Variants in MED12L observed in about 807,000 individuals in gnomAD.
MED12L encodes the protein mediator of RNA polymerase II transcription subunit 12-like protein.
In MED12L, 60 loss-of-function variants were observed where a neutral mutation model predicts 281.3. That is an observed-to-expected ratio of 0.21 (90% CI 0.17 to 0.26). MED12L has a LOEUF of 0.26. Ranked by LOEUF, MED12L falls within the 10% of genes least tolerant of loss-of-function variation. The probability of loss-of-function intolerance (pLI) is 1.00; values close to 1 mark genes in which losing one functional copy is unlikely to be tolerated. For synonymous variants in MED12L, 974 were observed against 987.2 expected (o/e 0.99, Z 0.25); for missense variants, 2,146 against 2,680.9 (o/e 0.80, Z 4.41).
Position 151,370,769 on chromosome 3 carries a change from A to T in MED12L, c.3664+1220A>T, listed in dbSNP as rs576354290. Among the ~76,000 whole-genome samples the T allele has an allele frequency of 1.6e-4, 24 of 152,340 alleles. No homozygotes were observed. The South Asian group carries it at 2.9e-3, about 18-fold the overall frequency. On this transcript the variant is annotated intron_variant, in intron 26 of 44. Coordinates refer to ENST00000687756, the MANE Select transcript of MED12L (RefSeq NM_001393769.1). ...TGCTCATCAGAGAAGCTAGCAAAGA[A>T]TCAGTTTTCAATAAAATTATGTTGG...
At chr3:151,131,412 G>A (rs1216537308) in intron 5 of MED12L, among the ~76,000 whole-genome samples, 1 of 152,102 alleles carries the variant, frequency 6.6e-6, no homozygotes, top group Non-Finnish European at 1.5e-5. Flanking sequence ...ACCAATCTAG[G>A]CAACATAGTG....
chr3:151,106,060 A>G (rs545248452), intron 2 of MED12L, among the ~76,000 whole-genome samples: 1 of 152,006 alleles, frequency 6.6e-6, no homozygotes, highest in Non-Finnish European at 1.5e-5. Flanking sequence ...TCTTGGTCCA[A>G]GCTACTATTA....
chr3:151,150,167 C>T (rs1218112611), intron 5 of MED12L, among the ~76,000 whole-genome samples: 1 of 152,194 alleles, frequency 6.6e-6, no homozygotes, highest in Non-Finnish European at 1.5e-5. Flanking sequence ...CTATCTGTGG[C>T]AGCTATGGCC....
At chr3:151,124,610 AGG>A (rs1352489948) in intron 4 of MED12L, among the ~76,000 whole-genome samples, 1 of 152,208 alleles carries the variant, frequency 6.6e-6, no homozygotes, top group Non-Finnish European at 1.5e-5. Context: ...CGATGGCTTA[AGG>A]TTGAAAGCCT....
chr3:151,416,345 C>G lies in MED12L; in HGVS notation c.6331C>G (p.Pro2111Ala). 6.2e-7 allele frequency: 1 copy of G among 1,610,918 alleles called. No homozygotes were observed. Among genetic ancestry groups the G allele is most frequent in the Non-Finnish European group, 8.5e-7 (1 of 1,178,020 alleles). The change falls in exon 43 of 45, where the codon CCT becomes GCT. Residue 2111 changes from proline to alanine, a missense_variant. By Grantham distance (27) the Pro-to-Ala change is conservative. This residue lies in a region of MED12L where 496 missense variants were observed against 512.0 expected (regional missense o/e 0.97). Transcript: ENST00000687756. Reference protein sequence around the residue: ...QQPQQPQPQQPPQPQQSSQSQ... With the variant: ...QQPQQPQPQQAPQPQQSSQSQ... ...GCCCCAGCAGCCCCAGCCCCAGCAGCCTCCCCAGCCCCAGCAGTCCTCGCA... is the reference window on the plus strand; with the variant it reads ...GCCCCAGCAGCCCCAGCCCCAGCAGGCTCCCCAGCCCCAGCAGTCCTCGCA...
Position 151,156,410 on chromosome 3 carries a change from G to A in MED12L, c.726+80G>A, listed in dbSNP as rs965447420. ...ATTCCTTATAGTTTGGTGTTCTGGG[G>A]TTAAATCCTATTTTACATGAACCAA... On this transcript the variant is annotated intron_variant, in intron 6 of 44. Transcript: ENST00000687756. The A allele has an allele frequency of 3.7e-6, 5 of 1,356,380 alleles. No homozygotes were observed. The African/African-American group carries it at 4.4e-5, about 12-fold the overall frequency. The allele number at this position is 1,356,380 out of a possible 1,614,324, so 84.0% of individuals were successfully genotyped here. A position where few individuals can be genotyped will look rare whatever the true frequency, so the allele number is the denominator to read the frequency against.
intron 38 of MED12L, among the ~76,000 whole-genome samples, chr3:151,390,621 C>T (rs1714082986): frequency 6.6e-6 from 1 of 152,204 alleles, no homozygotes; most frequent in South Asian, 2.1e-4. Context: ...AAGTAGATTT[C>T]TCGTCCCAAA....
chr3:151,269,990 A>T (rs745965264), intron 16 of MED12L: 24 of 274,972 alleles, frequency 8.7e-5, no homozygotes, highest in Non-Finnish European at 1.5e-4. Context: ...GGTTTTCAAT[A>T]TGGATGATGA....
At chr3:151,141,179 TTTTTTTTG>T (rs1488518534) in intron 5 of MED12L, among the ~76,000 whole-genome samples, 1 of 114,016 alleles carries the variant, frequency 8.8e-6, no homozygotes, top group Non-Finnish European at 1.7e-5. Flanking sequence ...TTTTTTTTTG[TTTTTTTTG>T]TTTTTTTTTT....
intron 2 of MED12L, among the ~76,000 whole-genome samples, chr3:151,095,786 A>G (rs532826670): frequency 1.9e-3 from 290 of 152,114 alleles, no homozygotes; most frequent in Non-Finnish European, 2.8e-3. Context: ...CATGCCTGTA[A>G]TCCCAGCTAC....
chr3:151,199,333 C>G (rs148323443), intron 16 of MED12L: 4 of 1,613,158 alleles, frequency 2.5e-6, no homozygotes, highest in Non-Finnish European at 1.7e-6. Context: ...AAAAAAAATA[C>G]GTGAATGGCT....
intron 43 of MED12L, among the ~76,000 whole-genome samples, chr3:151,418,922 G>A (rs1007112289): frequency 6.6e-6 from 1 of 151,982 alleles, no homozygotes; most frequent in Non-Finnish European, 1.5e-5. Context: ...GTGAGATTTC[G>A]ATACAAGCTT....
intron 20 of MED12L, among the ~76,000 whole-genome samples, chr3:151,359,608 T>A (rs1403621715): frequency 6.6e-6 from 1 of 152,178 alleles, no homozygotes; most frequent in Non-Finnish European, 1.5e-5. Context: ...TAGAACTAGC[T>A]CTTTGCCTTT....
intron 16 of MED12L, among the ~76,000 whole-genome samples, chr3:151,210,040 C>G (rs1231488034): frequency 6.6e-6 from 1 of 152,166 alleles, no homozygotes; most frequent in East Asian, 1.9e-4. Context: ...TCCATGGTGT[C>G]AATTTCAACT....
At chr3:151,136,979 T>C (rs1357055771) in intron 5 of MED12L, among the ~76,000 whole-genome samples, 2 of 151,962 alleles carry the variant, frequency 1.3e-5, no homozygotes, top group East Asian at 1.9e-4. Context: ...CTGGCCAACA[T>C]GGTGAAACCC....
At chr3:151,421,286 A>T (rs1718217981) in intron 43 of MED12L, among the ~76,000 whole-genome samples, 1 of 152,190 alleles carries the variant, frequency 6.6e-6, no homozygotes, top group Non-Finnish European at 1.5e-5. Flanking sequence ...CTCACATGGA[A>T]TACAAATATC....
intron 25 of MED12L, among the ~76,000 whole-genome samples, chr3:151,368,725 A>G (rs1351546253): frequency 1.8e-5 from 1 of 56,446 alleles, no homozygotes; most frequent in Non-Finnish European, 3.6e-5. Context: ...ATTTCATTTC[A>G]TTTCATTTCA....
chr3:151,156,648 A>C (rs1719327208), intron 6 of MED12L, among the ~76,000 whole-genome samples: 2 of 152,148 alleles, frequency 1.3e-5, no homozygotes, highest in African/African-American at 4.8e-5. Context: ...ATTTAAAAAC[A>C]CCTTTGTGCT....
At chr3:151,105,329 TCTC>T (rs1435317399) in intron 2 of MED12L, among the ~76,000 whole-genome samples, 1 of 152,106 alleles carries the variant, frequency 6.6e-6, no homozygotes, top group Non-Finnish European at 1.5e-5. Context: ...TGTTTGCATC[TCTC>T]CTCCTTTTTC....
Sources: gnomAD v4.1 joint callset for allele counts (sites outside exome capture counted in the v4.1 genomes callset) on GRCh38, gnomAD v4.1.1 for gene constraint, gnomAD v4.1.1 regional missense constraint, MANE v1.5 for transcripts, NCBI Gene and HGNC (gene_info 2026-07-23, HGNC 2026-07-21) for gene names.